Variants in IL1RL2 observed in about 807,000 individuals in gnomAD.
The protein encoded by IL1RL2 is interleukin-1 receptor-like 2.
In IL1RL2, 68 loss-of-function variants were observed where a neutral mutation model predicts 66.8. The observed-to-expected ratio is 1.02, with a 90% CI of 0.84 to 1.25. IL1RL2 has a LOEUF of 1.25. Ranked by LOEUF, IL1RL2 falls within the 50% of genes most tolerant of loss-of-function variation. The probability of loss-of-function intolerance (pLI) is 0.00; values close to 1 mark genes in which losing one functional copy is unlikely to be tolerated. For synonymous variants in IL1RL2, 305 were observed against 264.6 expected, an observed-to-expected ratio of 1.15 and a Z score of -1.48; for missense variants, 729 against 709.3, an observed-to-expected ratio of 1.03 and a Z score of -0.32.
rs955120201 is a variant in IL1RL2 at position 102,187,068 on chromosome 2, G to A, written c.-31G>A. On this transcript the variant is annotated 5_prime_UTR_variant, in exon 1 of 12. Transcript: ENST00000264257. ...TTCCACTCTCCACGAGGTCCTGCGCGCTTCAATCCTGCAGGCAGGTAGACA... is the reference window on the plus strand; with the variant it reads ...TTCCACTCTCCACGAGGTCCTGCGCACTTCAATCCTGCAGGCAGGTAGACA... 1.3e-5 allele frequency: 17 copies of A among 1,289,900 alleles called. No individual in the cohort carries two copies. The Admixed American group carries it at 1.8e-4, about 14-fold the overall frequency. 79.9% of individuals were successfully genotyped at this position (1,289,900 alleles called of 1,614,324 possible).
chr2:102,195,230 T>C (rs1446778626), intron 4 of IL1RL2, among the ~76,000 whole-genome samples: 1 of 152,248 alleles, frequency 6.6e-6, no homozygotes, highest in East Asian at 1.9e-4. Flanking sequence ...TAATGAGGTC[T>C]CAGACTTCCT....
At chr2:102,228,431 C>T (rs547763574) in intron 9 of IL1RL2, among the ~76,000 whole-genome samples, 2 of 152,334 alleles carry the variant, frequency 1.3e-5, no homozygotes, top group African/African-American at 4.8e-5. Context: ...GTGCATGACT[C>T]ACCATTTTAG....
chr2:102,242,843 C>T (rs537082721), downstream of IL1RL2, among the ~76,000 whole-genome samples: 1 of 152,298 alleles, frequency 6.6e-6, no homozygotes, highest in African/African-American at 2.4e-5. Flanking sequence ...CTATTTGTTA[C>T]TTTTACAAAC....
intron 10 of IL1RL2, 67 bp downstream of exon 10, chr2:102,233,191 T>A: frequency 6.8e-7 from 1 of 1,464,654 alleles, no homozygotes; most frequent in Non-Finnish European, 9.4e-7. Context: ...GTTCCTCCAC[T>A]TTACTAATGG....
chr2:102,220,088 C>G, intron 8 of IL1RL2, 71 bp downstream of exon 8: 1 of 1,402,078 alleles, frequency 7.1e-7, no homozygotes, highest in Non-Finnish European at 9.7e-7. Flanking sequence ...TCTGAAGGAG[C>G]AGTGACTCTA....
chr2:102,224,866 C>A (rs1559556153), intron 8 of IL1RL2, among the ~76,000 whole-genome samples: 1 of 151,916 alleles, frequency 6.6e-6, no homozygotes, highest in South Asian at 2.1e-4. Context: ...TATTATGTAC[C>A]TATAAAATTT....
chr2:102,229,922 G>C (rs561929705), intron 9 of IL1RL2, among the ~76,000 whole-genome samples: 1 of 152,280 alleles, frequency 6.6e-6, no homozygotes, highest in Admixed American at 6.5e-5. Flanking sequence ...GGGAACATTC[G>C]CAAAAGAGAG....
chr2:102,216,800 T>TAA (rs1689652065), intron 6 of IL1RL2, among the ~76,000 whole-genome samples: 1 of 152,206 alleles, frequency 6.6e-6, no homozygotes, highest in East Asian at 1.9e-4. Context: ...ATGGTTATAA[T>TAA]AGGCTATTTT....
intron 3 of IL1RL2, among the ~76,000 whole-genome samples, chr2:102,190,634 G>A (rs1280107413): frequency 6.6e-6 from 1 of 152,194 alleles, no homozygotes; most frequent in Non-Finnish European, 1.5e-5. Flanking sequence ...CGTTAGCTCT[G>A]CCTGGCTCCT....
intron 3 of IL1RL2, among the ~76,000 whole-genome samples, chr2:102,190,307 C>A (rs1451835042): frequency 2.6e-5 from 4 of 152,208 alleles, no homozygotes; most frequent in South Asian, 2.1e-4. Flanking sequence ...CAAATTTAGC[C>A]TGAGGGCCCA....
intron 6 of IL1RL2, 109 bp downstream of exon 6, chr2:102,212,283 AC>A: frequency 1.3e-6 from 1 of 765,714 alleles, no homozygotes; most frequent in Non-Finnish European, 2.2e-6. Context: ...TCCTATACAC[AC>A]CCAGTTTCCA....
intron 4 of IL1RL2, among the ~76,000 whole-genome samples, chr2:102,197,103 C>A (rs138892638): frequency 3.4e-4 from 51 of 152,184 alleles, no homozygotes; most frequent in Non-Finnish European, 6.0e-4. Context: ...CCTAATTTTT[C>A]TAATTGTAAG....
intron 11 of IL1RL2, among the ~76,000 whole-genome samples, chr2:102,238,515 A>G (rs1675067094): frequency 6.6e-6 from 1 of 152,192 alleles, no homozygotes; most frequent in Non-Finnish European, 1.5e-5. Context: ...AGCACCCCAT[A>G]GTGACGCAGA....
chr2:102,236,405 GGTGGTACCCA>G (rs886549460), intron 11 of IL1RL2, among the ~76,000 whole-genome samples: 86 of 152,268 alleles, frequency 5.6e-4, no homozygotes, highest in African/African-American at 1.7e-3. Flanking sequence ...ACAGGCGATG[GGTGGTACCCA>G]GTGTGGGATG....
chr2:102,221,241 G>T (rs1301973952), intron 8 of IL1RL2, among the ~76,000 whole-genome samples: 1 of 151,956 alleles, frequency 6.6e-6, no homozygotes, highest in Admixed American at 6.6e-5. Context: ...CTCTCTCTCT[G>T]GTACCTCTAA....
intron 8 of IL1RL2, among the ~76,000 whole-genome samples, chr2:102,220,881 T>C (rs1690064585): frequency 6.6e-6 from 1 of 152,242 alleles, no homozygotes; most frequent in Non-Finnish European, 1.5e-5. Flanking sequence ...ATCGTGCCTT[T>C]GCCCCTGCCA....
At chr2:102,204,303 T>G (rs751802920) in intron 5 of IL1RL2, among the ~76,000 whole-genome samples, 9 of 152,170 alleles carry the variant, frequency 5.9e-5, no homozygotes, top group Non-Finnish European at 1.3e-4. Context: ...ACCTAACAGA[T>G]GGTCTGTCCT....
chr2:102,239,256 A>C lies in IL1RL2; in HGVS notation c.*15A>C, dbSNP rs770646675. 5.0e-6 allele frequency: 8 copies of C among 1,612,764 alleles called. No homozygotes were observed. The highest frequency in any genetic ancestry group is 6.8e-6 in the Non-Finnish European group (8 of 1,178,750). On this transcript the variant is annotated 3_prime_UTR_variant, in exon 12 of 12. Transcript: ENST00000264257. ...CGACTGGCTAAGACTTGCTGGACTG[A>C]CACCTATGGCTGGAAGATGACTTGT...
intron 8 of IL1RL2, 57 bp from the exon 9 acceptor site, chr2:102,225,841 C>T (rs1248036446): frequency 7.5e-7 from 1 of 1,335,812 alleles, no homozygotes; most frequent in African/African-American, 1.5e-5. Context: ...ATATAATGGA[C>T]TCTTTGTTTC....
Sources: allele counts gnomAD v4.1 joint callset (sites outside exome capture counted in the v4.1 genomes callset), GRCh38; gene constraint gnomAD v4.1.1; transcripts MANE v1.5; gene names NCBI Gene and HGNC (gene_info 2026-07-23, HGNC 2026-07-21).